The following PROK2 variants were observed in gnomAD, a reference collection of about 807,000 sequenced individuals.
The protein encoded by PROK2 is prokineticin 2.
Under a neutral mutation model 14.2 loss-of-function variants are expected in PROK2, and 8 were observed. That is an observed-to-expected ratio of 0.56 (90% CI 0.33 to 1.02). The LOEUF is 1.02. Among genes scored for constraint, PROK2 ranks in the 50% least tolerant of loss-of-function variants. PROK2 has a pLI of 0.03. For synonymous variants in PROK2, 59 were observed against 60.7 expected (o/e 0.97, Z 0.13); for missense variants, 154 against 160.4 (o/e 0.96, Z 0.22).
chr3:71,784,602 C>G (rs2050196267), intron 1 of PROK2, among the ~76,000 whole-genome samples: 1 of 152,130 alleles, frequency 6.6e-6, no homozygotes, highest in Admixed American at 6.5e-5. Flanking sequence ...TGGAGAGCCT[C>G]CAAAAGTACT....
intron 1 of PROK2, among the ~76,000 whole-genome samples, chr3:71,784,422 T>C (rs1046174982): frequency 2.6e-5 from 4 of 152,156 alleles, no homozygotes; most frequent in African/African-American, 9.7e-5. Flanking sequence ...CCACAATTGC[T>C]TTTCAAAGCG....
intron 2 of PROK2, among the ~76,000 whole-genome samples, chr3:71,777,374 A>G (rs957843517): frequency 6.6e-6 from 1 of 152,168 alleles, no homozygotes; most frequent in Non-Finnish European, 1.5e-5. Context: ...ATATTTTAGT[A>G]TTTTAAAATT....
intron 3 of PROK2, among the ~76,000 whole-genome samples, chr3:71,773,522 T>C (rs552327843): frequency 6.6e-6 from 1 of 152,202 alleles, no homozygotes; most frequent in Non-Finnish European, 1.5e-5. Context: ...CTTTTTATGG[T>C]ATCCTATCAT....
chr3:71,781,114 T>C (rs1182760474), intron 2 of PROK2, among the ~76,000 whole-genome samples: 2 of 152,218 alleles, frequency 1.3e-5, no homozygotes, highest in East Asian at 1.9e-4. Flanking sequence ...AAGCAGTCTT[T>C]TTAAGAACTT....
In PROK2 at chr3:71,772,752, T is replaced by A; in HGVS notation, c.362A>T (p.Asn121Ile). ...PGLACLRTSFNRFICLAQK is the reference protein window; with the variant it reads ...PGLACLRTSFIRFICLAQK ...CTTTTGGGCTAAACAAATAAATCGG[T>A]TAAATGAAGTCCGTAAACAGGCCAA... Residue 121 changes from asparagine (N) to isoleucine (I), a missense_variant, in exon 4 of 4, where the codon AAC becomes ATC. Physicochemically the swap from Asn to Ile is moderately radical, Grantham distance 149. Coordinates refer to ENST00000295619, the MANE Select transcript of PROK2 (RefSeq NM_001126128.2). 1.2e-6 allele frequency: 2 copies of A among 1,614,106 alleles called. No individual in the cohort carries two copies. Among genetic ancestry groups the A allele is most frequent in the Non-Finnish European group, 1.7e-6 (2 of 1,179,986 alleles).
At chr3:71,773,972 C>T (rs929854348) in intron 3 of PROK2, among the ~76,000 whole-genome samples, 2 of 152,184 alleles carry the variant, frequency 1.3e-5, no homozygotes, top group African/African-American at 4.8e-5. Context: ...ACAAGTTATA[C>T]GGAGAAAGTT....
chr3:71,774,648 G>T, intron 2 of PROK2, 141 bp from the exon 3 acceptor site: 1 of 1,157,430 alleles, frequency 8.6e-7, no homozygotes, highest in Non-Finnish European at 1.2e-6. Flanking sequence ...CTTTTGCTAT[G>T]TCATGACTTC....
At chr3:71,774,417 G>T in intron 3 of PROK2, 28 bp downstream of exon 3, 1 of 1,551,384 alleles carries the variant, frequency 6.4e-7, no homozygotes, top group Non-Finnish European at 8.7e-7. Flanking sequence ...CATGTCTTTC[G>T]GTGGTACCAC....
At chr3:71,780,358 C>T (rs937343367) in intron 2 of PROK2, among the ~76,000 whole-genome samples, 1 of 152,228 alleles carries the variant, frequency 6.6e-6, no homozygotes, top group Non-Finnish European at 1.5e-5. Flanking sequence ...AAAATATTAA[C>T]TGTTCTCTGG....
intron 2 of PROK2, among the ~76,000 whole-genome samples, chr3:71,775,152 A>C (rs919325340): frequency 1.3e-5 from 2 of 152,218 alleles, no homozygotes; most frequent in Non-Finnish European, 1.5e-5. Flanking sequence ...TGAGGTTGAG[A>C]AAAACAAACA....
chr3:71,772,928 T>C (rs2050091778), intron 3 of PROK2, 100 bp from the exon 4 acceptor site: 8 of 958,362 alleles, frequency 8.3e-6, no homozygotes, highest in Non-Finnish European at 1.2e-5. Flanking sequence ...TAACTAGTGT[T>C]TACTGAGCGT....
intron 3 of PROK2, 124 bp from the exon 4 acceptor site, chr3:71,772,952 G>A: frequency 3.9e-6 from 3 of 761,014 alleles, no homozygotes; most frequent in Non-Finnish European, 4.6e-6. Context: ...CTACCCATTA[G>A]GCAATATGCT....
intron 3 of PROK2, among the ~76,000 whole-genome samples, 192 bp from the exon 4 acceptor site, chr3:71,773,020 TCCAGGCTGGAGTG>T (rs2050092470): frequency 6.6e-6 from 1 of 152,198 alleles, no homozygotes; most frequent in African/African-American, 2.4e-5. Flanking sequence ...TGCTCTGTCG[TCCAGGCTGGAGTG>T]CAGTGGCACA....
At position 71,784,455 on chromosome 3, in the gene PROK2, G is replaced by A. The variant is rs571261513; in HGVS notation, c.96+502C>T. ...GCGCTCACATGGCCCTGGACCAAGCGATTTCAAAGGGTTTCTGCGGAGGAC... is the reference window on the plus strand; with the variant it reads ...GCGCTCACATGGCCCTGGACCAAGCAATTTCAAAGGGTTTCTGCGGAGGAC... On this transcript the variant is annotated intron_variant, in intron 1 of 3. Coordinates refer to ENST00000295619, the MANE Select transcript of PROK2 (RefSeq NM_001126128.2). Among the ~76,000 whole-genome samples, 340 of 152,310 alleles carry A rather than the reference G, an allele frequency of 2.2e-3. 2 individuals carry two copies. The highest frequency in any genetic ancestry group is 8.0e-3 in the African/African-American group (331 of 41,572).
At chr3:71,777,274 T>C (rs2050127224) in intron 2 of PROK2, among the ~76,000 whole-genome samples, 1 of 152,230 alleles carries the variant, frequency 6.6e-6, no homozygotes, top group African/African-American at 2.4e-5. Context: ...TCATAGACAG[T>C]AGCTCTTGAC....
intron 2 of PROK2, among the ~76,000 whole-genome samples, chr3:71,777,279 C>G (rs892682155): frequency 6.6e-6 from 1 of 152,162 alleles, no homozygotes; most frequent in African/African-American, 2.4e-5. Flanking sequence ...GACAGTAGCT[C>G]TTGACATTGT....
chr3:71,774,890 T>G (rs1240163585), intron 2 of PROK2, among the ~76,000 whole-genome samples: 1 of 152,166 alleles, frequency 6.6e-6, no homozygotes, highest in Non-Finnish European at 1.5e-5. Context: ...ATTCTGACCC[T>G]GAGACCATAA....
intron 2 of PROK2, among the ~76,000 whole-genome samples, chr3:71,780,681 TC>T (rs2050153989): frequency 6.6e-6 from 1 of 152,098 alleles, no homozygotes; most frequent in African/African-American, 2.4e-5. Flanking sequence ...ACACTGTGTT[TC>T]AAAGGTTTTC....
chr3:71,785,106 G>C lies in PROK2; in HGVS notation c.-54C>G. ...AGGCAGTTGGGGGCGCGGGGCCCGG[G>C]TGCGCTGGGTGGAGCGCGGAGCGGC... On this transcript the variant is annotated 5_prime_UTR_variant, in exon 1 of 4. Transcript: ENST00000295619. 5 of 1,134,176 alleles carry C rather than the reference G, an allele frequency of 4.4e-6. No individual in the cohort carries two copies. The highest frequency in any genetic ancestry group is 4.4e-6 in the Non-Finnish European group (4 of 900,904). The allele number at this position is 1,134,176 out of a possible 1,614,324, so 70.3% of individuals were successfully genotyped here.
Sources: gnomAD v4.1 joint callset for allele counts (sites outside exome capture counted in the v4.1 genomes callset) on GRCh38, gnomAD v4.1.1 for gene constraint, MANE v1.5 for transcripts, NCBI Gene and HGNC (gene_info 2026-07-23, HGNC 2026-07-21) for gene names.